Variants in KCNJ6 observed in about 807,000 individuals in gnomAD.
KCNJ6 encodes the protein potassium inwardly rectifying channel subfamily J member 6, also known as G protein-activated inward rectifier potassium channel 2.
A neutral mutation model predicts 34.2 loss-of-function variants in KCNJ6; 9 were observed. That is an observed-to-expected ratio of 0.26 (90% CI 0.16 to 0.46). The LOEUF is 0.46. KCNJ6 is among the 20% of genes least tolerant of loss of function. The pLI, the probability that KCNJ6 is intolerant of heterozygous loss-of-function variation, is 1.00. For synonymous variants in KCNJ6, 196 were observed against 207.1 expected (o/e 0.95, Z 0.46); for missense variants, 236 against 531.3 (o/e 0.44, Z 5.46).
intron 2 of KCNJ6, among the ~76,000 whole-genome samples, chr21:37,761,185 G>A (rs973441647): frequency 1.3e-5 from 2 of 150,796 alleles, no homozygotes; most frequent in African/African-American, 4.9e-5. Flanking sequence ...GTGTGCATGT[G>A]TGTGCGATGT....
chr21:37,715,851 A>G (rs530806146), intron 2 of KCNJ6, among the ~76,000 whole-genome samples: 3 of 152,016 alleles, frequency 2.0e-5, no homozygotes, highest in Admixed American at 2.0e-4. Flanking sequence ...TTGATCTTGA[A>G]CTCCAGCCTC....
chr21:37,799,696 T>C (rs1384960388), intron 2 of KCNJ6, among the ~76,000 whole-genome samples: 1 of 152,224 alleles, frequency 6.6e-6, no homozygotes, highest in Non-Finnish European at 1.5e-5. Flanking sequence ...TCTCTCGAAA[T>C]GTTTGAGGTT....
rs760597650 is a variant in KCNJ6 at position 37,914,008 on chromosome 21, G to GGGGTGTGTGTGT, written c.-28+1875_-28+1876insACACACACACCC. ...GCAACCCTCGTCAGAGGCGGATCGG[G>GGGGTGTGTGTGT]GTGTGTGTGTGTGTGTGTGTGTGTG... On this transcript the variant is annotated intron_variant, in intron 1 of 3. Transcript: ENST00000609713. 1.5e-3 allele frequency among the ~76,000 whole-genome samples: 210 copies of GGGGTGTGTGTGT among 135,578 alleles called. 2 individuals carry two copies. The East Asian group carries it at 0.019, about 13-fold the overall frequency. 88.9% of individuals were successfully genotyped at this position (135,578 alleles called of 152,430 possible).
chr21:37,694,539 C>G (rs2054655489), intron 3 of KCNJ6, among the ~76,000 whole-genome samples: 1 of 152,188 alleles, frequency 6.6e-6, no homozygotes, highest in African/African-American at 2.4e-5. Context: ...ACATTTTAGT[C>G]TGCAAAAAGT....
At chr21:37,768,005 G>A (rs553294239) in intron 2 of KCNJ6, among the ~76,000 whole-genome samples, 2 of 152,098 alleles carry the variant, frequency 1.3e-5, no homozygotes, top group African/African-American at 4.8e-5. Flanking sequence ...TTAGACATGT[G>A]GGCTTTCATG....
rs3787822 is a variant in KCNJ6, at chr21:37,738,915, G to A, written c.26-23784C>T. The stretch of plus-strand genomic sequence containing the variant: ...TCTTTAATCTGCAAATTCCTCTTTG[G>A]ATGGGCTGAAGGGTAAGGTTATCTG... On this transcript the variant is annotated intron_variant, in intron 2 of 3. Coordinates refer to ENST00000609713, the MANE Select transcript of KCNJ6 (RefSeq NM_002240.5). Among the ~76,000 whole-genome samples the A allele has an allele frequency of 8.6e-3, 1,309 of 152,276 alleles. 11 individuals carry two copies. Among genetic ancestry groups the A allele is most frequent in the Admixed American group, 0.022 (343 of 15,292 alleles).
chr21:37,777,053 A>G (rs1229377769), intron 2 of KCNJ6, among the ~76,000 whole-genome samples: 1 of 152,076 alleles, frequency 6.6e-6, no homozygotes, highest in Admixed American at 6.6e-5. Flanking sequence ...TCAGAGATTC[A>G]ACTTCTTCCT....
chr21:37,680,855 TCATC>T (rs1215048811), intron 3 of KCNJ6, among the ~76,000 whole-genome samples: 1 of 152,264 alleles, frequency 6.6e-6, no homozygotes, highest in African/African-American at 2.4e-5. Context: ...TTCTATCTCT[TCATC>T]CATCCTATTG....
At chr21:37,653,978 G>A (rs867888881) in intron 3 of KCNJ6, among the ~76,000 whole-genome samples, 74 of 152,272 alleles carry the variant, frequency 4.9e-4, no homozygotes, top group African/African-American at 1.7e-3. Context: ...GCTCAAGAAG[G>A]AGTGTGGGGA....
chr21:37,901,032 G>A (rs1197084212), intron 1 of KCNJ6, among the ~76,000 whole-genome samples: 1 of 147,452 alleles, frequency 6.8e-6, no homozygotes. Flanking sequence ...TCTCCTTCCT[G>A]CCTTTCTTTG....
intron 3 of KCNJ6, among the ~76,000 whole-genome samples, chr21:37,630,111 GCAGAAC>G: frequency 1.1e-5 from 1 of 92,592 alleles, no homozygotes; most frequent in Non-Finnish European, 2.4e-5. Flanking sequence ...CATAAGCAAG[GCAGAAC>G]TGCCAAGATG....
intron 2 of KCNJ6, among the ~76,000 whole-genome samples, chr21:37,774,282 T>C (rs554142726): frequency 4.6e-5 from 7 of 152,254 alleles, no homozygotes; most frequent in African/African-American, 1.4e-4. Context: ...TGCTGAATAA[T>C]TGTTTGGGGT....
Position 37,732,607 on chromosome 21 carries a change from G to T in KCNJ6, c.26-17476C>A, listed in dbSNP as rs371293992. 3.3e-5 allele frequency among the ~76,000 whole-genome samples: 5 copies of T among 152,156 alleles called. No homozygotes were observed. The East Asian group carries it at 9.6e-4, about 29-fold the overall frequency. ...AATTTTCTGGGGCAAGACCGATTTG[G>T]ATTTGCTTTGATTCCACCACGTCAT... On this transcript the variant is annotated intron_variant, in intron 2 of 3. Transcript: ENST00000609713.
rs368205847 is a variant in KCNJ6, at chr21:37,745,500, A to G, written c.26-30369T>C. Among the ~76,000 whole-genome samples, 5 of 152,076 alleles carry G rather than the reference A, an allele frequency of 3.3e-5. No homozygotes were observed. In the South Asian group the frequency reaches 8.3e-4, roughly 25 times the overall value. ...GGTGGCCTGTAGAATCTGGGAAAGG[A>G]AAGGAAGTGGATTCCCCCAGAGCTT... is the stretch of plus-strand genomic sequence containing the variant. On this transcript the variant is annotated intron_variant, in intron 2 of 3. Transcript: ENST00000609713.
At chr21:37,655,860 T>C (rs2123393121) in intron 3 of KCNJ6, among the ~76,000 whole-genome samples, 1 of 152,332 alleles carries the variant, frequency 6.6e-6, no homozygotes. Flanking sequence ...TTTCTGTATT[T>C]GGCTGACATC....
chr21:37,847,407 T>TG (rs371945055), intron 1 of KCNJ6, among the ~76,000 whole-genome samples: 152,328 of 152,330 alleles, frequency 1, 76,163 homozygotes, highest in Non-Finnish European at 1. Flanking sequence ...CTGCACTCTC[T>TG]CAGCCACGGT....
chr21:37,704,148 A>G (rs1240048081), intron 3 of KCNJ6, among the ~76,000 whole-genome samples: 1 of 152,114 alleles, frequency 6.6e-6, no homozygotes, highest in Non-Finnish European at 1.5e-5. Flanking sequence ...CCTTTGGGGG[A>G]ACAAAAAGAA....
intron 3 of KCNJ6, among the ~76,000 whole-genome samples, chr21:37,707,096 GTCAT>G (rs1400074173): frequency 1.8e-5 from 1 of 55,098 alleles, no homozygotes; most frequent in Non-Finnish European, 3.4e-5. Flanking sequence ...CCATCGATTT[GTCAT>G]TCATGGCAGT....
At chr21:37,679,784 A>G (rs1306183614) in intron 3 of KCNJ6, among the ~76,000 whole-genome samples, 2 of 152,228 alleles carry the variant, frequency 1.3e-5, no homozygotes, top group African/African-American at 4.8e-5. Context: ...TTATCTCTCT[A>G]AATCCTCAGG....
Sources: gnomAD v4.1 joint callset for allele counts (sites outside exome capture counted in the v4.1 genomes callset) on GRCh38, gnomAD v4.1.1 for gene constraint, MANE v1.5 for transcripts, NCBI Gene and HGNC (gene_info 2026-07-23, HGNC 2026-07-21) for gene names.